The following ZFX variants were observed in gnomAD, a reference collection of about 807,000 sequenced individuals.
ZFX encodes the protein zinc finger X-chromosomal protein.
For synonymous variants in ZFX, 196 were observed against 226.8 expected, an observed-to-expected ratio of 0.86 and a Z score of 1.22; for missense variants, 362 against 628.3, an observed-to-expected ratio of 0.58 and a Z score of 4.53.
chrX:24,174,861 G>A (rs1165335639), intron 4 of ZFX, among the ~76,000 whole-genome samples: 2 of 110,712 alleles, frequency 1.8e-5, no homozygotes, highest in African/African-American at 6.6e-5. Context: ...CTACAGATGG[G>A]CGCCATCAAG....
At chrX:24,192,627 C>T (rs1176068250) in intron 5 of ZFX, among the ~76,000 whole-genome samples, 4 of 111,738 alleles carry the variant, frequency 3.6e-5, no homozygotes, top group African/African-American at 1.3e-4. Context: ...GATTTTGAAG[C>T]CTGGCACAAT....
Position 24,179,185 on chromosome X carries a change from G to A in ZFX, c.61G>A (p.Ala21Thr), listed in dbSNP as rs1294028465. 8.3e-7 allele frequency: 1 copy of A among 1,198,841 alleles called. No individual in the cohort carries two copies. The highest frequency in any genetic ancestry group is 1.8e-5 in the African/African-American group (1 of 56,594). ...EPNSFFDATGADGTHMDGDQI... is the reference protein window; with the variant it reads ...EPNSFFDATGTDGTHMDGDQI... ...GTCATTTTAATTTTTTTTTTAAGGAGCTGATGGTACACACATGGATGGTGA... is the reference window on the plus strand; with the variant it reads ...GTCATTTTAATTTTTTTTTTAAGGAACTGATGGTACACACATGGATGGTGA... Residue 21 changes from alanine (A) to threonine (T), a missense_variant and splice_region_variant, in exon 5 of 10, where the codon GCT becomes ACT. Transcript: ENST00000304543.
At chrX:24,189,357 A>G (rs914573496) in intron 5 of ZFX, among the ~76,000 whole-genome samples, 4 of 111,764 alleles carry the variant, frequency 3.6e-5, no homozygotes, top group African/African-American at 9.8e-5. Flanking sequence ...TACAACTACA[A>G]TGTAAAGGGA....
chrX:24,152,070 G>A (rs964353407), intron 2 of ZFX, among the ~76,000 whole-genome samples: 3 of 111,006 alleles, frequency 2.7e-5, no homozygotes, highest in African/African-American at 9.8e-5. Context: ...CATTTACCAT[G>A]GTTGAAAAGT....
At chrX:24,171,158 C>A (rs1189688864) in intron 3 of ZFX, among the ~76,000 whole-genome samples, 2 of 110,769 alleles carry the variant, frequency 1.8e-5, no homozygotes, top group African/African-American at 6.6e-5. Flanking sequence ...CAAACCAGTA[C>A]AATAAGAGAA....
intron 5 of ZFX, among the ~76,000 whole-genome samples, chrX:24,197,040 T>G (rs1381031864): frequency 8.9e-6 from 1 of 112,814 alleles, no homozygotes; most frequent in Non-Finnish European, 1.9e-5. Context: ...AGTTCCTGCG[T>G]TGCACCAGTC....
chrX:24,194,374 TC>T (rs1355386836), intron 5 of ZFX, among the ~76,000 whole-genome samples: 2 of 111,331 alleles, frequency 1.8e-5, no homozygotes, highest in African/African-American at 3.3e-5. Context: ...GGGGCCACTG[TC>T]CCTGTGGCGT....
chrX:24,180,379 C>T (rs965892431), intron 5 of ZFX, among the ~76,000 whole-genome samples: 5 of 91,855 alleles, frequency 5.4e-5, no homozygotes, highest in African/African-American at 2.0e-4. Context: ...AACCAAGCTA[C>T]TTACTTTTTT....
At chrX:24,165,920 A>AT (rs1437620542) in intron 3 of ZFX, among the ~76,000 whole-genome samples, 1 of 112,934 alleles carries the variant, frequency 8.9e-6, no homozygotes, top group African/African-American at 3.2e-5. Context: ...TGTTTTACTC[A>AT]TTCCATTATG....
intron 5 of ZFX, 34 bp from the exon 6 acceptor site, chrX:24,207,292 G>A: frequency 1.1e-6 from 1 of 925,558 alleles, no homozygotes; most frequent in Non-Finnish European, 1.5e-6. Context: ...TTAAATATCT[G>A]TTACTATTTG....
intron 5 of ZFX, among the ~76,000 whole-genome samples, chrX:24,196,740 G>A (rs1936949416): frequency 9.0e-6 from 1 of 111,139 alleles, no homozygotes; most frequent in South Asian, 3.8e-4. Context: ...TGGGACTGCA[G>A]GCATGTGCTA....
At chrX:24,168,671 C>CTTTTTTTTTTTT (rs141296315) in intron 3 of ZFX, among the ~76,000 whole-genome samples, 9 of 83,254 alleles carry the variant, frequency 1.1e-4, no homozygotes, top group African/African-American at 1.4e-4. Context: ...TTCTTTCTTT[C>CTTTTTTTTTTTT]TTTTTTTTTT....
intron 3 of ZFX, among the ~76,000 whole-genome samples, chrX:24,159,511 G>A (rs925583188): frequency 2.7e-5 from 3 of 110,529 alleles, no homozygotes; most frequent in African/African-American, 6.6e-5. Context: ...TCTCTCTCTT[G>A]TCGCCCAGGC....
chrX:24,165,177 G>C (rs762282967), intron 3 of ZFX, among the ~76,000 whole-genome samples: 1 of 112,346 alleles, frequency 8.9e-6, no homozygotes, highest in South Asian at 3.7e-4. Flanking sequence ...CTGGAGTGCA[G>C]TGGCATGAAT....
intron 3 of ZFX, among the ~76,000 whole-genome samples, chrX:24,166,508 T>C (rs1280523281): frequency 8.9e-6 from 1 of 112,339 alleles, no homozygotes; most frequent in African/African-American, 3.2e-5. Flanking sequence ...AGTTATTAGA[T>C]TAATATCGAT....
At chrX:24,181,289 A>G (rs914855308) in intron 5 of ZFX, among the ~76,000 whole-genome samples, 3 of 112,248 alleles carry the variant, frequency 2.7e-5, no homozygotes, top group Non-Finnish European at 5.6e-5. Flanking sequence ...TGTTGTAGGT[A>G]GCGTAGATAC....
At position 24,216,192 on chromosome X, in the gene ZFX, C is replaced by T. The variant is rs778437672; in HGVS notation, c.*4816C>T. The T allele has an allele frequency of 1.8e-5, 2 of 111,255 alleles. No individual in the cohort carries two copies. Among genetic ancestry groups the T allele is most frequent in the Non-Finnish European group, 3.8e-5 (2 of 53,049 alleles). The allele number at this position is 111,255 out of a possible 1,213,427, so 9.2% of individuals were successfully genotyped here. The stretch of plus-strand genomic sequence containing the variant: ...AACTTGTTTGAAGCTGGAGGTGATT[C>T]GACTCCCTTCAGTGGTTCAACACTA... On this transcript the variant is annotated 3_prime_UTR_variant, in exon 10 of 10. Coordinates refer to ENST00000304543, the MANE Select transcript of ZFX (RefSeq NM_003410.4).
intron 5 of ZFX, among the ~76,000 whole-genome samples, chrX:24,180,674 C>T (rs1286477148): frequency 8.9e-6 from 1 of 111,846 alleles, no homozygotes; most frequent in Non-Finnish European, 1.9e-5. Context: ...TGAGGTATCA[C>T]GCTGCTACTT....
rs1318218474 is a variant in ZFX at position 24,214,911 on chromosome X, A to T, written c.*3535A>T. On this transcript the variant is annotated 3_prime_UTR_variant, in exon 10 of 10. Transcript: ENST00000304543. Reference sequence around the variant, plus strand: ...TGCGCCCAGTTTAGAGGACTAGTAGATGCTAACATACTAGGGAATGGTCAT... The same window carrying T: ...TGCGCCCAGTTTAGAGGACTAGTAGTTGCTAACATACTAGGGAATGGTCAT... 1 of 111,613 alleles carries T rather than the reference A, an allele frequency of 9.0e-6. No homozygotes were observed. Among genetic ancestry groups the T allele is most frequent in the Non-Finnish European group, 1.9e-5 (1 of 53,177 alleles). The allele number at this position is 111,613 out of a possible 1,213,427, so 9.2% of individuals were successfully genotyped here.
Sources: allele counts gnomAD v4.1 joint callset (sites outside exome capture counted in the v4.1 genomes callset), GRCh38; gene constraint gnomAD v4.1.1; transcripts MANE v1.5; gene names NCBI Gene and HGNC (gene_info 2026-07-23, HGNC 2026-07-21).